PAFAH1B1: variants seen among roughly 807,000 people sequenced by gnomAD.
The protein encoded by PAFAH1B1 is platelet-activating factor acetylhydrolase IB subunit beta.
A neutral mutation model predicts 57.5 loss-of-function variants in PAFAH1B1; 2 were observed. The observed-to-expected ratio is 0.03, with a 90% confidence interval of 0.01 to 0.11. The LOEUF (loss-of-function observed/expected upper bound fraction) is 0.11. PAFAH1B1 is among the 10% of genes least tolerant of loss of function. The pLI, the probability that PAFAH1B1 is intolerant of heterozygous loss-of-function variation, is 1.00. For missense variants in PAFAH1B1, 257 were observed against 512.0 expected (o/e 0.50, Z 4.81); for synonymous variants, 152 against 169.6 (o/e 0.90, Z 0.81).
At chr17:2,618,806 G>C (rs1393754609) in intron 1 of PAFAH1B1, among the ~76,000 whole-genome samples, 1 of 149,958 alleles carries the variant, frequency 6.7e-6, no homozygotes, top group African/African-American at 2.4e-5. Flanking sequence ...CGCTCACTTG[G>C]GAGGCCGAGG....
At chr17:2,670,105 G>A (rs947653493) in intron 5 of PAFAH1B1, 58 bp from the exon 6 acceptor site, 2 of 1,489,382 alleles carry the variant, frequency 1.3e-6, no homozygotes, top group Non-Finnish European at 9.4e-7. Flanking sequence ...GAGTGCAAAT[G>A]TGAAACAAGA....
intron 1 of PAFAH1B1, among the ~76,000 whole-genome samples, chr17:2,609,230 A>G (rs2068239023): frequency 6.6e-6 from 1 of 152,056 alleles, no homozygotes; most frequent in South Asian, 2.1e-4. Flanking sequence ...GGCTGGTCTC[A>G]GACTCCTGGG....
intron 1 of PAFAH1B1, among the ~76,000 whole-genome samples, chr17:2,624,017 C>G (rs747230869): frequency 1.3e-5 from 2 of 152,168 alleles, no homozygotes; most frequent in Non-Finnish European, 2.9e-5. Context: ...TTAGAAATTT[C>G]TTTTGCCAGA....
chr17:2,670,019 A>C, intron 5 of PAFAH1B1, 144 bp from the exon 6 acceptor site: 2 of 748,384 alleles, frequency 2.7e-6, no homozygotes, highest in Non-Finnish European at 4.8e-6. Flanking sequence ...TATACATGAG[A>C]TACAATATTT....
At chr17:2,671,127 T>G (rs2069174541) in intron 6 of PAFAH1B1, among the ~76,000 whole-genome samples, 1 of 152,192 alleles carries the variant, frequency 6.6e-6, no homozygotes, top group Non-Finnish European at 1.5e-5. Flanking sequence ...GGTTGTGTTT[T>G]CTCTGTCCCA....
At chr17:2,647,958 C>G (rs1019717728) in intron 2 of PAFAH1B1, among the ~76,000 whole-genome samples, 1 of 152,080 alleles carries the variant, frequency 6.6e-6, no homozygotes, top group African/African-American at 2.4e-5. Context: ...GATCCGAGAT[C>G]ATGCCGCTGC....
intron 1 of PAFAH1B1, among the ~76,000 whole-genome samples, chr17:2,635,792 C>T (rs1407124700): frequency 6.6e-6 from 1 of 151,684 alleles, no homozygotes; most frequent in South Asian, 2.1e-4. Flanking sequence ...GAGTTTTGCC[C>T]TACCTCGTTT....
intron 1 of PAFAH1B1, among the ~76,000 whole-genome samples, chr17:2,618,415 T>C (rs1206912583): frequency 6.6e-6 from 1 of 152,096 alleles, no homozygotes; most frequent in African/African-American, 2.4e-5. Context: ...TTTAAAACTC[T>C]AGAAATTTAC....
chr17:2,682,970 C>T lies in PAFAH1B1; in HGVS notation c.*1168C>T, dbSNP rs1214540816. The stretch of plus-strand genomic sequence containing the variant: ...ATGTGTGTATCATACACATCAACCT[C>T]CATGTCCTTAGTCCTGGGTTTTTGA... On this transcript the variant is annotated 3_prime_UTR_variant, in exon 11 of 11. Transcript: ENST00000397195. The T allele has an allele frequency of 6.5e-6, 1 of 152,760 alleles. No individual in the cohort carries two copies. The highest frequency in any genetic ancestry group is 3.4e-3 in the Middle Eastern group (1 of 294). The allele number at this position is 152,760 out of a possible 1,614,324, so 9.5% of individuals were successfully genotyped here.
At chr17:2,642,317 A>G (rs2068706594) in intron 2 of PAFAH1B1, 1 of 152,244 alleles carries the variant, frequency 6.6e-6, no homozygotes, top group Admixed American at 6.6e-5. Context: ...TGACACTACA[A>G]GTGGACAGTT....
At chr17:2,607,898 A>G (rs2068224677) in intron 1 of PAFAH1B1, among the ~76,000 whole-genome samples, 1 of 152,026 alleles carries the variant, frequency 6.6e-6, no homozygotes, top group African/African-American at 2.4e-5. Flanking sequence ...TGCATTTACT[A>G]TATTTGGGTG....
chr17:2,594,098 G>C (rs2068055575), intron 1 of PAFAH1B1, 92 bp downstream of exon 1: 1 of 396,690 alleles, frequency 2.5e-6, no homozygotes, highest in Non-Finnish European at 4.4e-6. Flanking sequence ...CGATGTGGCT[G>C]CGCCGGTCCC....
intron 1 of PAFAH1B1, among the ~76,000 whole-genome samples, chr17:2,634,612 C>T (rs1189035593): frequency 6.6e-6 from 1 of 152,048 alleles, no homozygotes; most frequent in Non-Finnish European, 1.5e-5. Flanking sequence ...CTGTAACCTT[C>T]ATTACTGTAA....
At chr17:2,593,590 G>GGGCGGCGGCGGCGGGGGCGGC (rs2068046277), upstream of PAFAH1B1, among the ~76,000 whole-genome samples, 1 of 148,666 alleles carries the variant, frequency 6.7e-6, no homozygotes, top group African/African-American at 2.4e-5. Context: ...GGCGGGTCTG[G>GGGCGGCGGCGGCGGGGGCGGC]GGCGGCGGCG....
intron 2 of PAFAH1B1, among the ~76,000 whole-genome samples, chr17:2,659,057 C>T (rs1290080731): frequency 1.3e-5 from 2 of 151,810 alleles, no homozygotes; most frequent in Non-Finnish European, 2.9e-5. Context: ...TCAAGACCAC[C>T]CTGGCCAACA....
chr17:2,650,173 G>A (rs534877105), intron 2 of PAFAH1B1, among the ~76,000 whole-genome samples: 88 of 152,252 alleles, frequency 5.8e-4, no homozygotes, highest in African/African-American at 2.1e-3. Flanking sequence ...ATCGGCCTGG[G>A]CAACGTAGGT....
chr17:2,644,159 T>TG (rs1253082548), intron 2 of PAFAH1B1, among the ~76,000 whole-genome samples: 1 of 151,650 alleles, frequency 6.6e-6, no homozygotes, highest in Non-Finnish European at 1.5e-5. Flanking sequence ...GAGCCTCTCT[T>TG]GCTCTTTTTT....
intron 2 of PAFAH1B1, among the ~76,000 whole-genome samples, chr17:2,656,971 G>T (rs2151650517): frequency 6.6e-6 from 1 of 152,168 alleles, no homozygotes; most frequent in East Asian, 1.9e-4. Context: ...GCCCAGGCTG[G>T]AGTGCAGTGG....
intron 2 of PAFAH1B1, among the ~76,000 whole-genome samples, chr17:2,645,129 C>T (rs1344515268): frequency 4.6e-5 from 7 of 152,060 alleles, no homozygotes; most frequent in African/African-American, 1.7e-4. Context: ...CACCTGTAAT[C>T]CCGGCTACTC....
Sources: allele counts gnomAD v4.1 joint callset (sites outside exome capture counted in the v4.1 genomes callset), GRCh38; gene constraint gnomAD v4.1.1; transcripts MANE v1.5; gene names NCBI Gene and HGNC (gene_info 2026-07-23, HGNC 2026-07-21).